The following DNAJC18 variants were observed in gnomAD, a reference collection of about 807,000 sequenced individuals.
DNAJC18 encodes dnaJ homolog subfamily C member 18.
Under a neutral mutation model 48.6 loss-of-function variants are expected in DNAJC18, and 40 were observed. The ratio of observed to expected loss-of-function variants is 0.82; its 90% CI spans 0.64 to 1.07. The LOEUF is 1.07. DNAJC18 is among the 50% of genes least tolerant of loss of function. The pLI is 0.00. For synonymous variants in DNAJC18, 135 were observed against 152.2 expected, an observed-to-expected ratio of 0.89 and a Z score of 0.83; for missense variants, 340 against 427.7, an observed-to-expected ratio of 0.79 and a Z score of 1.81.
In DNAJC18 at chr5:139,437,443, A is replaced by G. The variant is rs775367930; in HGVS notation, c.156T>C (p.Asn52=). The G allele has an allele frequency of 2.5e-6, 4 of 1,614,204 alleles. No individual in the cohort carries two copies. Among genetic ancestry groups the G allele is most frequent in the Middle Eastern group, 3.3e-4 (2 of 6,062 alleles). ...MKAQKEKKSE[N]EWTQTRQGEG... is the part of the protein sequence containing the mutation. ...CACCCTGCCGGGTCTGAGTCCACTCATTCTCAGACTTCTTTTCCTTTTGTG... is the reference window on the plus strand; with the variant it reads ...CACCCTGCCGGGTCTGAGTCCACTCGTTCTCAGACTTCTTTTCCTTTTGTG... The change falls in exon 2 of 8, where the codon AAT becomes AAC. Residue 52 remains asparagine (N), a synonymous_variant. Coordinates refer to ENST00000302060, the MANE Select transcript of DNAJC18 (RefSeq NM_152686.4).
At chr5:139,438,133 C>A (rs528963097) in intron 1 of DNAJC18, among the ~76,000 whole-genome samples, 2 of 151,496 alleles carry the variant, frequency 1.3e-5, no homozygotes, top group African/African-American at 2.4e-5. Context: ...TGGCTAACAC[C>A]GTGAAACTCC....
Position 139,412,893 on chromosome 5 carries a change from C to T in DNAJC18, c.*1255G>A, listed in dbSNP as rs1200119470. 1.3e-5 allele frequency: 5 copies of T among 398,584 alleles called. No individual in the cohort carries two copies. The highest frequency in any genetic ancestry group is 2.2e-5 in the Non-Finnish European group (5 of 226,090). 24.7% of individuals were successfully genotyped at this position (398,584 alleles called of 1,614,324 possible). A position where few individuals can be genotyped will look rare whatever the true frequency, so the allele number is the denominator to read the frequency against. ...TGGGGTTGGGGAGGACGGAGGCATC[C>T]TCGGGAAAGGTTCTGCTTTGCCAGT... On this transcript the variant is annotated 3_prime_UTR_variant, in exon 8 of 8. Coordinates refer to ENST00000302060, the MANE Select transcript of DNAJC18 (RefSeq NM_152686.4).
rs753989770 is a variant in DNAJC18, at chr5:139,412,915, C to T, written c.*1233G>A. The T allele has an allele frequency of 4.8e-5, 19 of 398,602 alleles. No homozygotes were observed. Among genetic ancestry groups the T allele is most frequent in the Non-Finnish European group, 6.6e-5 (15 of 226,066 alleles). The allele number at this position is 398,602 out of a possible 1,614,324, so 24.7% of individuals were successfully genotyped here. A position where few individuals can be genotyped will look rare whatever the true frequency, so the allele number is the denominator to read the frequency against. On this transcript the variant is annotated 3_prime_UTR_variant, in exon 8 of 8. Coordinates refer to ENST00000302060, the MANE Select transcript of DNAJC18 (RefSeq NM_152686.4). ...ATCCTCGGGAAAGGTTCTGCTTTGCCAGTCTGGCTAGAATCACCTGAGACA... is the reference window on the plus strand; with the variant it reads ...ATCCTCGGGAAAGGTTCTGCTTTGCTAGTCTGGCTAGAATCACCTGAGACA...
chr5:139,430,102 A>C (rs1328729484), intron 2 of DNAJC18, among the ~76,000 whole-genome samples: 1 of 152,192 alleles, frequency 6.6e-6, no homozygotes, highest in Non-Finnish European at 1.5e-5. Flanking sequence ...TGGTACAGGA[A>C]GCGAAAAAAA....
At chr5:139,423,048 G>A (rs1759180272) in intron 5 of DNAJC18, among the ~76,000 whole-genome samples, 1 of 152,024 alleles carries the variant, frequency 6.6e-6, no homozygotes, top group Non-Finnish European at 1.5e-5. Flanking sequence ...CAGCCAGGAT[G>A]GTCTCGATCT....
intron 2 of DNAJC18, among the ~76,000 whole-genome samples, chr5:139,436,515 CTTTTTTTTTTTTTTTT>C (rs57926576): frequency 3.0e-5 from 2 of 67,646 alleles, no homozygotes; most frequent in South Asian, 5.7e-4. Context: ...ATCCCTCTTT[CTTTTTTTTTTTTTTTT>C]TTTTTTTTGA....
chr5:139,415,720 G>C (rs553936610), intron 7 of DNAJC18, among the ~76,000 whole-genome samples: 1 of 152,344 alleles, frequency 6.6e-6, no homozygotes, highest in South Asian at 2.1e-4. Context: ...GGCTACTTTG[G>C]CATGTGGGTA....
rs1759031167 is a variant in DNAJC18, at chr5:139,413,874, C to A, written c.*274G>T. Reference sequence around the variant, plus strand: ...ATGCCCTGAACTCCATTCACATAGGCAGGGTAGGCATGGAGCAGGGAGACG... The same window carrying A: ...ATGCCCTGAACTCCATTCACATAGGAAGGGTAGGCATGGAGCAGGGAGACG... On this transcript the variant is annotated 3_prime_UTR_variant, in exon 8 of 8. Transcript: ENST00000302060. The A allele has an allele frequency of 7.7e-6, 3 of 389,356 alleles. No individual in the cohort carries two copies. Among genetic ancestry groups the A allele is most frequent in the African/African-American group, 4.2e-5 (2 of 47,788 alleles). 24.1% of individuals were successfully genotyped at this position (389,356 alleles called of 1,614,324 possible).
In DNAJC18 at chr5:139,411,245, T is replaced by C. The variant is rs1449517327; in HGVS notation, c.*2903A>G. 2 of 152,204 alleles carry C rather than the reference T, an allele frequency of 1.3e-5. No individual in the cohort carries two copies. Among genetic ancestry groups the C allele is most frequent in the Non-Finnish European group, 2.9e-5 (2 of 68,028 alleles). The allele number at this position is 152,204 out of a possible 1,614,324, so 9.4% of individuals were successfully genotyped here. On this transcript the variant is annotated 3_prime_UTR_variant, in exon 8 of 8. Coordinates refer to ENST00000302060, the MANE Select transcript of DNAJC18 (RefSeq NM_152686.4). ...GGGGACGTGGGTTCCTTCAAGCTCTTTGTGATGAGAAGGATTTTCATCCTC... is the reference window on the plus strand; with the variant it reads ...GGGGACGTGGGTTCCTTCAAGCTCTCTGTGATGAGAAGGATTTTCATCCTC...
intron 1 of DNAJC18, among the ~76,000 whole-genome samples, chr5:139,438,477 C>T (rs1750725383): frequency 1.3e-5 from 2 of 151,920 alleles, no homozygotes; most frequent in South Asian, 4.1e-4. Context: ...GATTGGATAC[C>T]CCTGGTTTAA....
intron 1 of DNAJC18, 81 bp from the exon 2 acceptor site, chr5:139,437,639 C>G: frequency 1.3e-6 from 2 of 1,500,144 alleles, no homozygotes; most frequent in Non-Finnish European, 1.8e-6. Context: ...CTCTGGGAGG[C>G]TGCTCGTAAG....
intron 4 of DNAJC18, among the ~76,000 whole-genome samples, chr5:139,425,485 C>T (rs1391867701): frequency 6.6e-6 from 1 of 152,174 alleles, no homozygotes; most frequent in African/African-American, 2.4e-5. Context: ...TTTTCAAGGT[C>T]CTTGTTCCCA....
chr5:139,437,022 T>C (rs1336811763), intron 2 of DNAJC18, among the ~76,000 whole-genome samples: 1 of 152,212 alleles, frequency 6.6e-6, no homozygotes, highest in Non-Finnish European at 1.5e-5. Context: ...TCAATCTTTT[T>C]AAATTTATTG....
rs1269548920 is a variant in DNAJC18 at position 139,433,268 on chromosome 5, A to G, written c.227+4104T>C. On this transcript the variant is annotated intron_variant, in intron 2 of 7. Coordinates refer to ENST00000302060, the MANE Select transcript of DNAJC18 (RefSeq NM_152686.4). ...AGACCAGCCTGGCTAACATGGTGAA[A>G]CCCCATCTCTACTAAAAATACAAAA... Among the ~76,000 whole-genome samples the G allele has an allele frequency of 2.0e-5, 3 of 152,110 alleles. No individual in the cohort carries two copies. The East Asian group carries it at 5.8e-4, about 29-fold the overall frequency.
chr5:139,423,072 T>C (rs1248016032), intron 5 of DNAJC18, among the ~76,000 whole-genome samples: 1 of 152,152 alleles, frequency 6.6e-6, no homozygotes, highest in Non-Finnish European at 1.5e-5. Context: ...GACCTCGTGA[T>C]CTGCCCACCT....
intron 3 of DNAJC18, among the ~76,000 whole-genome samples, chr5:139,426,910 G>C (rs1243958249): frequency 1.3e-5 from 2 of 152,168 alleles, no homozygotes; most frequent in African/African-American, 4.8e-5. Context: ...TTTAGAGATA[G>C]GGTCTTGCTG....
intron 3 of DNAJC18, 126 bp downstream of exon 3, chr5:139,428,412 A>C (rs1759275752): frequency 8.0e-7 from 1 of 1,256,934 alleles, no homozygotes; most frequent in African/African-American, 1.5e-5. Context: ...ATCACTATTT[A>C]AGAGGTGTGG....
chr5:139,432,771 G>T (rs973746709), intron 2 of DNAJC18, among the ~76,000 whole-genome samples: 3 of 152,236 alleles, frequency 2.0e-5, no homozygotes, highest in Admixed American at 6.5e-5. Flanking sequence ...AAGGCTGGCA[G>T]CTGGTGTTCA....
chr5:139,434,278 C>T (rs1367007466), intron 2 of DNAJC18, among the ~76,000 whole-genome samples: 1 of 152,094 alleles, frequency 6.6e-6, no homozygotes, highest in Admixed American at 6.6e-5. Context: ...CCACTCAAAC[C>T]TGTGTTGTTC....
Sources: allele counts gnomAD v4.1 joint callset (sites outside exome capture counted in the v4.1 genomes callset), GRCh38; gene constraint gnomAD v4.1.1; transcripts MANE v1.5; gene names NCBI Gene and HGNC (gene_info 2026-07-23, HGNC 2026-07-21).